WDR74: variants seen among roughly 807,000 people sequenced by gnomAD.
WDR74 encodes WD repeat domain 74.
A neutral mutation model predicts 45.6 loss-of-function variants in WDR74; 31 were observed. The observed-to-expected ratio is 0.68, with a 90% CI of 0.51 to 0.92. The LOEUF (loss-of-function observed/expected upper bound fraction) is 0.92. Among genes scored for constraint, WDR74 ranks in the 40% least tolerant of loss-of-function variants. WDR74 has a pLI of 0.00. For missense variants in WDR74, 455 were observed against 497.2 expected, an observed-to-expected ratio of 0.92 and a Z score of 0.81; for synonymous variants, 191 against 192.4, an observed-to-expected ratio of 0.99 and a Z score of 0.06.
chr11:62,835,810 C>T lies in WDR74; in HGVS notation c.401G>A (p.Cys134Tyr), dbSNP rs1420171130. The change falls in exon 5 of 11, where the codon TGT becomes TAT. Residue 134 changes from cysteine (C) to tyrosine (Y), a missense_variant. By Grantham distance (194) the Cys-to-Tyr change is radical (BLOSUM62 -2). Coordinates refer to ENST00000278856, the MANE Select transcript of WDR74 (RefSeq NM_001369450.1). ...LLELRVGPGV[C>Y]RMRQDPAHPH... Reference sequence around the variant, plus strand: ...GTGTGCTGGGTCTTGGCGCATCCTACACACCCCAGGGCCCACTCTCAGTTC... The same window carrying T: ...GTGTGCTGGGTCTTGGCGCATCCTATACACCCCAGGGCCCACTCTCAGTTC... 1 of 1,613,018 alleles carries T rather than the reference C, an allele frequency of 6.2e-7. No individual in the cohort carries two copies. The highest frequency in any genetic ancestry group is 1.3e-5 in the African/African-American group (1 of 75,012).
chr11:62,840,892 A>T (rs1190766262), upstream of WDR74, among the ~76,000 whole-genome samples: 1 of 152,080 alleles, frequency 6.6e-6, no homozygotes, highest in African/African-American at 2.4e-5. Flanking sequence ...AACACATCAA[A>T]CGCGAAACCA....
chr11:62,838,454 C>T lies in WDR74; in HGVS notation c.293+660G>A, dbSNP rs1324237296. Among the ~76,000 whole-genome samples the T allele has an allele frequency of 2.0e-5, 3 of 151,956 alleles. No individual in the cohort carries two copies. The East Asian group carries it at 5.9e-4, about 30-fold the overall frequency. On this transcript the variant is annotated intron_variant, in intron 3 of 10. Coordinates refer to ENST00000278856, the MANE Select transcript of WDR74 (RefSeq NM_001369450.1). ...ACAGGCATGAGCCACCACACCCAGC[C>T]TTGCTTAAAACTATTAAATGACAAG... is the stretch of plus-strand genomic sequence containing the variant.
At chr11:62,841,185 C>T (rs910639740), upstream of WDR74, among the ~76,000 whole-genome samples, 6 of 152,120 alleles carry the variant, frequency 3.9e-5, no homozygotes, top group Admixed American at 3.9e-4. Context: ...GGCGTGGTGG[C>T]GGGCGCCTGT....
In WDR74 at chr11:62,835,446, G is replaced by A; in HGVS notation, c.603C>T (p.Cys201=). Residue 201 remains cysteine, a synonymous_variant, in exon 6 of 11, where the codon TGC becomes TGT. Transcript: ENST00000278856. ...GACACCTTACCTGGTGGTACCCTGT[G>A]CAGGTGACAAGCTTCTGTGATCCTG... ...FLPGSQKLVT[C]TGYHQVRVYD... 1 of 1,613,976 alleles carries A rather than the reference G, an allele frequency of 6.2e-7. No individual in the cohort carries two copies. The highest frequency in any genetic ancestry group is 1.1e-5 in the South Asian group (1 of 91,080).
chr11:62,837,528 A>AC (rs1216971217), intron 3 of WDR74, among the ~76,000 whole-genome samples: 129 of 151,466 alleles, frequency 8.5e-4, no homozygotes, highest in African/African-American at 3.1e-3. Context: ...AAAAAAAAAA[A>AC]CGCTTCCTTG....
intron 3 of WDR74, among the ~76,000 whole-genome samples, chr11:62,838,401 T>C (rs1187814123): frequency 1.3e-5 from 2 of 151,158 alleles, no homozygotes; most frequent in Admixed American, 1.3e-4. Context: ...GTGATCCACC[T>C]ATCTCGGCCT....
rs774196652 is a variant in WDR74, at chr11:62,834,423, T to A, written c.719+4A>T. 5.7e-5 allele frequency: 38 copies of A among 666,646 alleles called. No individual in the cohort carries two copies. Among genetic ancestry groups the A allele is most frequent in the Non-Finnish European group, 9.1e-5 (38 of 415,764 alleles). The allele number at this position is 666,646 out of a possible 1,614,324, so 41.3% of individuals were successfully genotyped here. ...CTCCCACCCCTTCCCCTCTAAACAC[T>A]CACTTGCCTCCCGGAGTGAGGGTCA... On this transcript the variant is annotated splice_donor_region_variant and intron_variant, in intron 7 of 10. Transcript: ENST00000278856.
chr11:62,835,283 G>T, intron 6 of WDR74, 148 bp downstream of exon 6: 1 of 674,358 alleles, frequency 1.5e-6, no homozygotes, highest in Non-Finnish European at 2.5e-6. Flanking sequence ...AAGGTCATGG[G>T]CTCAGGGACA....
Position 62,835,830 on chromosome 11 carries a change from C to T in WDR74, c.381G>A (p.Leu127=), listed in dbSNP as rs1325791682. The T allele has an allele frequency of 6.2e-7, 1 of 1,611,520 alleles. No homozygotes were observed. Among genetic ancestry groups the T allele is most frequent in the East Asian group, 2.2e-5 (1 of 44,802 alleles). Residue 127 remains leucine, a synonymous_variant, in exon 5 of 11, where the codon CTG becomes CTA. Coordinates refer to ENST00000278856, the MANE Select transcript of WDR74 (RefSeq NM_001369450.1). ...TCCTACACACCCCAGGGCCCACTCT[C>T]AGTTCCAGGAGCTGTAAAGAATAGG... The part of the protein sequence containing the change: ...KDTSSDPLLE[L]RVGPGVCRMR...
intron 3 of WDR74, among the ~76,000 whole-genome samples, chr11:62,838,843 T>C (rs1480286395): frequency 6.6e-6 from 1 of 151,586 alleles, no homozygotes; most frequent in Non-Finnish European, 1.5e-5. Context: ...AGGATTATAA[T>C]GGAGTCAGGT....
At chr11:62,833,296 T>TAAAAAAAA (rs1048706100) in intron 10 of WDR74, among the ~76,000 whole-genome samples, 165 bp from the exon 11 acceptor site, 30 of 50,846 alleles carry the variant, frequency 5.9e-4, no homozygotes, top group Non-Finnish European at 9.5e-4. Flanking sequence ...AAAAGAAGTT[T>TAAAAAAAA]AAAAAAAAAA....
chr11:62,841,608 T>G (rs376611514), upstream of WDR74: 1 of 151,264 alleles, frequency 6.6e-6, no homozygotes, highest in Non-Finnish European at 1.5e-5. Context: ...ACGGTTGTTC[T>G]CTCCCCGAAG....
chr11:62,836,048 G>C lies in WDR74; in HGVS notation c.294-12C>G. 1 of 1,572,652 alleles carries C rather than the reference G, an allele frequency of 6.4e-7. No homozygotes were observed. Among genetic ancestry groups the C allele is most frequent in the Non-Finnish European group, 8.6e-7 (1 of 1,158,374 alleles). ...ATGTGATGAGGGTGCTGCAGAGAAAGGATAGAGTTGGGATTTTTTAAGTGC... is the reference window on the plus strand; with the variant it reads ...ATGTGATGAGGGTGCTGCAGAGAAACGATAGAGTTGGGATTTTTTAAGTGC... On this transcript the variant is annotated splice_polypyrimidine_tract_variant and intron_variant, in intron 3 of 10. Coordinates refer to ENST00000278856, the MANE Select transcript of WDR74 (RefSeq NM_001369450.1).
At chr11:62,833,196 T>C (rs2084899101) in intron 10 of WDR74, 65 bp from the exon 11 acceptor site, 4 of 1,542,108 alleles carry the variant, frequency 2.6e-6, no homozygotes, top group Non-Finnish European at 3.5e-6. Flanking sequence ...ACCTGTAATC[T>C]CAGCACTTTG....
Position 62,834,492 on chromosome 11 carries a change from C to T in WDR74, c.654G>A (p.Arg218=). The change falls in exon 7 of 11, where the codon CGG becomes CGA. Residue 218 remains arginine (R), a synonymous_variant. Transcript: ENST00000278856. The part of the protein sequence containing the change: ...RVYDPASPQR[R]PVLETTYGEY... Reference sequence around the variant, plus strand: ...CTCCATAGGTGGTCTCTAGGACTGGCCGGCGCTGGGGGGATGCTGGATCAT... The same window carrying T: ...CTCCATAGGTGGTCTCTAGGACTGGTCGGCGCTGGGGGGATGCTGGATCAT... 6.2e-7 allele frequency: 1 copy of T among 1,603,680 alleles called. No homozygotes were observed.
chr11:62,837,515 CAAAA>C (rs367604130), intron 3 of WDR74, among the ~76,000 whole-genome samples: 1 of 130,448 alleles, frequency 7.7e-6, no homozygotes, highest in Non-Finnish European at 1.7e-5. Flanking sequence ...AAACAAAAAA[CAAAA>C]AAAAAAAAAC....
Position 62,839,133 on chromosome 11 carries a change from C to G in WDR74, c.274G>C (p.Gly92Arg). 2 of 1,613,512 alleles carry G rather than the reference C, an allele frequency of 1.2e-6. No individual in the cohort carries two copies. Among genetic ancestry groups the G allele is most frequent in the African/African-American group, 2.7e-5 (2 of 75,048 alleles). The change falls in exon 3 of 11, where the codon GGC (glycine) becomes CGC (arginine). Residue 92 changes from glycine to arginine, a missense_variant. Physicochemically the swap from Gly to Arg is moderately radical, Grantham distance 125 (BLOSUM62 -2). Coordinates refer to ENST00000278856, the MANE Select transcript of WDR74 (RefSeq NM_001369450.1). ...HCPGGEGMFR[G>R]LAQADGTLIT... is the part of the protein sequence containing the mutation. Reference sequence around the variant, plus strand: ...TCTTACCCGTCGGCCTGGGCGAGGCCACGGAACATGCCCTCCCCGCCCGGG... The same window carrying G: ...TCTTACCCGTCGGCCTGGGCGAGGCGACGGAACATGCCCTCCCCGCCCGGG...
At chr11:62,833,965 A>G in intron 8 of WDR74, 28 bp from the exon 9 acceptor site, 1 of 1,608,696 alleles carries the variant, frequency 6.2e-7, no homozygotes, top group South Asian at 1.1e-5. Context: ...CATCCGTGAT[A>G]ACTGGCTGGC....
At chr11:62,836,187 T>G in intron 3 of WDR74, 151 bp from the exon 4 acceptor site, 5 of 760,014 alleles carry the variant, frequency 6.6e-6, no homozygotes, top group Non-Finnish European at 8.6e-6. Context: ...ATCAACCAGA[T>G]TCCCTACTAA....
Sources: gnomAD v4.1 joint callset for allele counts (sites outside exome capture counted in the v4.1 genomes callset) on GRCh38, gnomAD v4.1.1 for gene constraint, MANE v1.5 for transcripts, NCBI Gene and HGNC (gene_info 2026-07-23, HGNC 2026-07-21) for gene names.